The following CRYGA variants were observed in gnomAD, a reference collection of about 807,000 sequenced individuals.
CRYGA encodes gamma-crystallin A.
CRYGA carries 11 observed loss-of-function variants against 13.8 expected under a neutral mutation model. That is an observed-to-expected ratio of 0.80 (90% CI 0.50 to 1.32). The LOEUF (loss-of-function observed/expected upper bound fraction) is 1.32, where lower values mean the gene tolerates loss of function less well. Among genes scored for constraint, CRYGA ranks in the 40% most tolerant of loss-of-function variants. CRYGA has a pLI of 0.00. For missense variants in CRYGA, 271 were observed against 234.1 expected (o/e 1.16, Z -1.03); for synonymous variants, 97 against 89.3 (o/e 1.09, Z -0.48).
In CRYGA at chr2:208,163,523, T is replaced by C. The variant is rs375579616; in HGVS notation, c.9+25A>G. The C allele has an allele frequency of 7.0e-5, 113 of 1,610,412 alleles. No homozygotes were observed. In the African/African-American group the frequency reaches 1.3e-3, roughly 19 times the overall value. On this transcript the variant is annotated intron_variant, in intron 1 of 2. Coordinates refer to ENST00000304502, the MANE Select transcript of CRYGA (RefSeq NM_014617.4). ...ACACACCACAGACCCCCAATAGACA[T>C]GGCACAGCACCTCCACAGGCTCACC...
rs762650691 is a variant in CRYGA at position 208,160,852 on chromosome 2, A to AC, written c.476dup (p.Ala160CysfsTer29). On this transcript the variant is annotated frameshift_variant, in exon 3 of 3. Coordinates refer to ENST00000304502, the MANE Select transcript of CRYGA (RefSeq NM_014617.4). LOFTEE classifies it high-confidence loss of function. ...TCAAAGAGCCGACTTTGGCATCTGCACCCCCCCAGTCGTGGTACCTTCTGT... is the reference window on the plus strand; with the variant it reads ...TCAAAGAGCCGACTTTGGCATCTGCACCCCCCCCAGTCGTGGTACCTTCTGT... 2.7e-5 allele frequency: 44 copies of AC among 1,610,798 alleles called. No individual in the cohort carries two copies. The East Asian group carries it at 3.8e-4, about 14-fold the overall frequency.
Position 208,163,235 on chromosome 2 carries a change from T to C in CRYGA, c.221A>G (p.Asp74Gly). 6.2e-7 allele frequency: 1 copy of C among 1,613,458 alleles called. No individual in the cohort carries two copies. The highest frequency in any genetic ancestry group is 8.5e-7 in the Non-Finnish European group (1 of 1,179,910). ...AATTATACGGCAGGATTGGACCGAG[T>C]CGCTGAGGCCCATCCAGTGCTGATA... Reference protein sequence around the residue: ...PDYQHWMGLSDSVQSCRIIPH... With the variant: ...PDYQHWMGLSGSVQSCRIIPH... The change falls in exon 2 of 3, where the codon GAC (aspartate) becomes GGC (glycine). Residue 74 changes from aspartate to glycine, a missense_variant. Transcript: ENST00000304502.
rs545233683 is a variant in CRYGA, at chr2:208,162,857, T to A, written c.252+347A>T. Among the ~76,000 whole-genome samples, 967 of 148,734 alleles carry A rather than the reference T, an allele frequency of 6.5e-3. 17 individuals are homozygous for A. The highest frequency in any genetic ancestry group is 0.024 in the South Asian group (112 of 4,684). Reference sequence around the variant, plus strand: ...CGAAGTTCTGTCTCAAAAAAAAAAATTATCTAGATAAACTAGATAGACTTT... The same window carrying A: ...CGAAGTTCTGTCTCAAAAAAAAAAAATATCTAGATAAACTAGATAGACTTT... On this transcript the variant is annotated intron_variant, in intron 2 of 2. Transcript: ENST00000304502.
chr2:208,163,215 T>G lies in CRYGA; in HGVS notation c.241A>C (p.Ile81Leu), dbSNP rs1695795559. ...GAAGCAAGACTCACATGAGGAATTA[T>G]ACGGCAGGATTGGACCGAGTCGCTG... Reference protein sequence around the residue: ...GLSDSVQSCRIIPHTSSHKLR... With the variant: ...GLSDSVQSCRLIPHTSSHKLR... Residue 81 changes from isoleucine to leucine, a missense_variant, in exon 2 of 3, where the codon ATA (isoleucine) becomes CTA (leucine). Physicochemically the swap from Ile to Leu is conservative, Grantham distance 5. Transcript: ENST00000304502. 1 of 1,613,176 alleles carries G rather than the reference T, an allele frequency of 6.2e-7. No individual in the cohort carries two copies. The highest frequency in any genetic ancestry group is 1.1e-5 in the South Asian group (1 of 91,048).
At position 208,163,423 on chromosome 2, in the gene CRYGA, G is replaced by A. The variant is rs760001981; in HGVS notation, c.33C>T (p.Asp11=). 2 of 1,613,816 alleles carry A rather than the reference G, an allele frequency of 1.2e-6. No individual in the cohort carries two copies. Among genetic ancestry groups the A allele is most frequent in the Non-Finnish European group, 1.7e-6 (2 of 1,179,994 alleles). ...TGCAATTGTAGCAGCGACCCTGAAAGTCTCGGTCCTCGTAGAAGGTGATCT... is the reference window on the plus strand; with the variant it reads ...TGCAATTGTAGCAGCGACCCTGAAAATCTCGGTCCTCGTAGAAGGTGATCT... MGKITFYEDR[D]FQGRCYNCIS... The change falls in exon 2 of 3, where the codon GAC becomes GAT. Residue 11 remains aspartate, a synonymous_variant. Coordinates refer to ENST00000304502, the MANE Select transcript of CRYGA (RefSeq NM_014617.4).
intron 2 of CRYGA, among the ~76,000 whole-genome samples, chr2:208,162,774 G>C (rs1695783590): frequency 6.6e-6 from 1 of 152,084 alleles, no homozygotes; most frequent in African/African-American, 2.4e-5. Context: ...GGGAGGCAGG[G>C]GTTGTGGTGA....
At position 208,160,777 on chromosome 2, in the gene CRYGA, T is replaced by C; in HGVS notation, c.*27A>G. ...AACTTGTATATTTATTATGTTTCTA[T>C]GGGGATCACAACAAGGCAGGCACAG... On this transcript the variant is annotated 3_prime_UTR_variant, in exon 3 of 3. Coordinates refer to ENST00000304502, the MANE Select transcript of CRYGA (RefSeq NM_014617.4). 2 of 1,433,382 alleles carry C rather than the reference T, an allele frequency of 1.4e-6. No individual in the cohort carries two copies. Among genetic ancestry groups the C allele is most frequent in the Non-Finnish European group, 1.9e-6 (2 of 1,031,478 alleles). The allele number at this position is 1,433,382 out of a possible 1,614,324, so 88.8% of individuals were successfully genotyped here.
In CRYGA at chr2:208,160,969, C is replaced by G. The variant is rs1408500587; in HGVS notation, c.360G>C (p.Glu120Asp). ...ACVPELFRLP[E>D]IYSLHVLEGC... Reference sequence around the variant, plus strand: ...CCTCCAGTACGTGGAGGGAATAGATCTCAGGGAGACGGAACAGTTCTGGAA... The same window carrying G: ...CCTCCAGTACGTGGAGGGAATAGATGTCAGGGAGACGGAACAGTTCTGGAA... The change falls in exon 3 of 3, where the codon GAG becomes GAC. Residue 120 changes from glutamate to aspartate, a missense_variant. Transcript: ENST00000304502. 2 of 1,613,988 alleles carry G rather than the reference C, an allele frequency of 1.2e-6. No individual in the cohort carries two copies. The highest frequency in any genetic ancestry group is 2.2e-5 in the East Asian group (1 of 44,856).
chr2:208,161,209 G>T, intron 2 of CRYGA, 133 bp from the exon 3 acceptor site: 1 of 908,096 alleles, frequency 1.1e-6, no homozygotes, highest in Non-Finnish European at 1.6e-6. Context: ...GTCTTGCTGT[G>T]TTGCCCAGGC....
intron 2 of CRYGA, among the ~76,000 whole-genome samples, chr2:208,161,989 T>G (rs1695768702): frequency 1.3e-5 from 2 of 152,128 alleles, no homozygotes; most frequent in South Asian, 4.1e-4. Flanking sequence ...CAGGCTGGAG[T>G]GCAGTGGCAT....
chr2:208,163,154 GC>G (rs1695793788), intron 2 of CRYGA, 49 bp downstream of exon 2: 1 of 1,505,050 alleles, frequency 6.6e-7, no homozygotes, highest in African/African-American at 1.4e-5. Context: ...GGAATTGATG[GC>G]CATGGATCAT....
Position 208,163,425 on chromosome 2 carries a change from C to T in CRYGA, c.31G>A (p.Asp11Asn). Residue 11 changes from aspartate (D) to asparagine (N), a missense_variant, in exon 2 of 3, where the codon GAC (aspartate) becomes AAC (asparagine). By Grantham distance (23) the Asp-to-Asn change is conservative. Coordinates refer to ENST00000304502, the MANE Select transcript of CRYGA (RefSeq NM_014617.4). MGKITFYEDR[D>N]FQGRCYNCIS... is the part of the protein sequence containing the mutation. Reference sequence around the variant, plus strand: ...CAATTGTAGCAGCGACCCTGAAAGTCTCGGTCCTCGTAGAAGGTGATCTGA... The same window carrying T: ...CAATTGTAGCAGCGACCCTGAAAGTTTCGGTCCTCGTAGAAGGTGATCTGA... 1 of 1,613,724 alleles carries T rather than the reference C, an allele frequency of 6.2e-7. No individual in the cohort carries two copies. Among genetic ancestry groups the T allele is most frequent in the Non-Finnish European group, 8.5e-7 (1 of 1,179,940 alleles).
chr2:208,163,480 G>C, intron 1 of CRYGA, 34 bp from the exon 2 acceptor site: 1 of 1,612,862 alleles, frequency 6.2e-7, no homozygotes, highest in Non-Finnish European at 8.5e-7. Context: ...TAGACAGTCA[G>C]CTGGAAGGAA....
At chr2:208,163,520 A>G (rs1194975871) in intron 1 of CRYGA, 28 bp downstream of exon 1, 3 of 1,611,398 alleles carry the variant, frequency 1.9e-6, no homozygotes, top group Non-Finnish European at 2.5e-6. Context: ...CCCCCAATAG[A>G]CATGGCACAG....
intron 2 of CRYGA, among the ~76,000 whole-genome samples, chr2:208,162,057 C>G (rs1695769949): frequency 6.6e-6 from 1 of 152,132 alleles, no homozygotes; most frequent in Non-Finnish European, 1.5e-5. Flanking sequence ...CTGTCTTAGC[C>G]TCCTGCTTAG....
At position 208,160,863 on chromosome 2, in the gene CRYGA, C is replaced by A. The variant is rs766462446; in HGVS notation, c.466G>T (p.Asp156Tyr). 14 of 1,612,070 alleles carry A rather than the reference C, an allele frequency of 8.7e-6. No individual in the cohort carries two copies. In the Admixed American group the frequency reaches 2.3e-4, roughly 27 times the overall value. ...ACTTTGGCATCTGCACCCCCCCAGT[C>A]GTGGTACCTTCTGTAGTCCCCAGGC... ...LRPGDYRRYH[D>Y]WGGADAKVGS... is the part of the protein sequence containing the mutation. Residue 156 changes from aspartate (D) to tyrosine (Y), a missense_variant, in exon 3 of 3, where the codon GAC becomes TAC. Transcript: ENST00000304502.
chr2:208,160,996 A>G lies in CRYGA; in HGVS notation c.333T>C (p.Cys111=), dbSNP rs34053324. Residue 111 remains cysteine (C), a synonymous_variant, in exon 3 of 3, where the codon TGT becomes TGC. Coordinates refer to ENST00000304502, the MANE Select transcript of CRYGA (RefSeq NM_014617.4). ...LMSELTDDCA[C]VPELFRLPEI... ...CAGGGAGACGGAACAGTTCTGGAAC[A>G]CAGGCGCAGTCATCAGTGAGCTCAG... The G allele has an allele frequency of 1.5e-4, 246 of 1,613,962 alleles. 1 individual carries two copies. The African/African-American group carries it at 2.6e-3, about 17-fold the overall frequency.
chr2:208,161,118 C>A (rs1354817958), intron 2 of CRYGA, 42 bp from the exon 3 acceptor site: 1 of 1,590,290 alleles, frequency 6.3e-7, no homozygotes, highest in East Asian at 2.2e-5. Context: ...AAACAGCATG[C>A]ATCCTTGGGT....
rs1695745237 is a variant in CRYGA, at chr2:208,160,961, G to A, written c.368C>T (p.Ser123Phe). The A allele has an allele frequency of 6.2e-7, 1 of 1,613,950 alleles. No individual in the cohort carries two copies. The highest frequency in any genetic ancestry group is 1.7e-5 in the Admixed American group (1 of 60,000). The change falls in exon 3 of 3, where the codon TCC (serine) becomes TTC (phenylalanine). Residue 123 changes from serine (S) to phenylalanine (F), a missense_variant. By Grantham distance (155) the Ser-to-Phe change is radical. Coordinates refer to ENST00000304502, the MANE Select transcript of CRYGA (RefSeq NM_014617.4). ...PELFRLPEIY[S>F]LHVLEGCWVL... ...CCAGCAGCCCTCCAGTACGTGGAGG[G>A]AATAGATCTCAGGGAGACGGAACAG... is the stretch of plus-strand genomic sequence containing the variant.
Sources: allele counts gnomAD v4.1 joint callset (sites outside exome capture counted in the v4.1 genomes callset), GRCh38; gene constraint gnomAD v4.1.1; transcripts MANE v1.5; gene names NCBI Gene and HGNC (gene_info 2026-07-23, HGNC 2026-07-21).